Variants in POLR1B observed in about 807,000 individuals in gnomAD.
The protein encoded by POLR1B is RNA polymerase I subunit B, also known as DNA-directed RNA polymerase I subunit RPA2.
POLR1B carries 30 observed loss-of-function variants against 105.8 expected under a neutral mutation model. The observed-to-expected ratio is 0.28, with a 90% CI of 0.21 to 0.38. The LOEUF is 0.38. Among genes scored for constraint, POLR1B ranks in the 10% least tolerant of loss-of-function variants. The probability of loss-of-function intolerance (pLI) is 1.00; values close to 1 mark genes in which losing one functional copy is unlikely to be tolerated. For missense variants in POLR1B, 976 were observed against 1,435.8 expected, an observed-to-expected ratio of 0.68 and a Z score of 5.17; for synonymous variants, 485 against 505.1, an observed-to-expected ratio of 0.96 and a Z score of 0.53.
intron 7 of POLR1B, among the ~76,000 whole-genome samples, chr2:112,554,256 C>G (rs1434379733): frequency 2.0e-5 from 3 of 151,920 alleles, no homozygotes; most frequent in African/African-American, 7.2e-5. Flanking sequence ...CCTCAGCCTC[C>G]CGGGTATCTA....
intron 9 of POLR1B, among the ~76,000 whole-genome samples, chr2:112,561,353 A>T (rs1462295089): frequency 6.6e-6 from 1 of 152,182 alleles, no homozygotes; most frequent in Non-Finnish European, 1.5e-5. Context: ...CTAACTTTCG[A>T]TAGAGATGTT....
At chr2:112,545,247 G>A (rs1682975489) in intron 1 of POLR1B, among the ~76,000 whole-genome samples, 1 of 152,124 alleles carries the variant, frequency 6.6e-6, no homozygotes, top group East Asian at 1.9e-4. Flanking sequence ...TCAGGCATGC[G>A]TTAGGGACTC....
intron 9 of POLR1B, 97 bp from the exon 10 acceptor site, chr2:112,564,269 C>A: frequency 7.1e-7 from 1 of 1,411,264 alleles, no homozygotes; most frequent in Non-Finnish European, 9.7e-7. Context: ...AATTTGATAT[C>A]TGAACTGATA....
Position 112,557,737 on chromosome 2 carries a change from A to G in POLR1B, c.1159-173A>G, listed in dbSNP as rs371444339. Reference sequence around the variant, plus strand: ...AACTACAGGCACGCCCCACCCCCTCACCCCACCCCCTCTGGCTAATTTTTT... The same window carrying G: ...AACTACAGGCACGCCCCACCCCCTCGCCCCACCCCCTCTGGCTAATTTTTT... On this transcript the variant is annotated intron_variant, in intron 7 of 14. Transcript: ENST00000263331. Among the ~76,000 whole-genome samples, 501 of 87,016 alleles carry G rather than the reference A, an allele frequency of 5.8e-3. 1 individual carries two copies. Among genetic ancestry groups the G allele is most frequent in the African/African-American group, 0.021 (480 of 22,370 alleles). The allele number at this position is 87,016 out of a possible 152,430, so 57.1% of individuals were successfully genotyped here.
At chr2:112,559,093 A>G (rs1683823855) in intron 8 of POLR1B, among the ~76,000 whole-genome samples, 200 bp from the exon 9 acceptor site, 1 of 152,110 alleles carries the variant, frequency 6.6e-6, no homozygotes, top group Non-Finnish European at 1.5e-5. Flanking sequence ...AGTTGGGGCT[A>G]ATACAGTTTG....
intron 9 of POLR1B, among the ~76,000 whole-genome samples, chr2:112,560,753 C>T (rs1468490807): frequency 3.3e-5 from 5 of 152,100 alleles, no homozygotes; most frequent in Admixed American, 2.6e-4. Context: ...CTTAAAAGTA[C>T]TTCTCCCAAT....
chr2:112,567,520 C>T (rs571042527), intron 10 of POLR1B, among the ~76,000 whole-genome samples: 148 of 152,064 alleles, frequency 9.7e-4, no homozygotes, highest in African/African-American at 3.5e-3. Flanking sequence ...GCTGGGACTA[C>T]AGGCACGTAC....
intron 4 of POLR1B, among the ~76,000 whole-genome samples, chr2:112,549,634 GTCTT>G (rs1201319020): frequency 3.3e-5 from 5 of 151,702 alleles, no homozygotes; most frequent in African/African-American, 1.2e-4. Context: ...ACCGTGTCTG[GTCTT>G]TCTTTTGTTT....
At chr2:112,544,118 A>G (rs1682914559) in intron 1 of POLR1B, among the ~76,000 whole-genome samples, 1 of 151,932 alleles carries the variant, frequency 6.6e-6, no homozygotes. Context: ...GAGAAATTTT[A>G]GAAAAGCACT....
intron 1 of POLR1B, among the ~76,000 whole-genome samples, chr2:112,544,850 G>A (rs556401338): frequency 6.6e-6 from 1 of 152,272 alleles, no homozygotes; most frequent in South Asian, 2.1e-4. Flanking sequence ...TTATGTGTCT[G>A]TCTTTTCAAA....
At chr2:112,563,061 C>CT (rs1199976599) in intron 9 of POLR1B, among the ~76,000 whole-genome samples, 34 of 117,410 alleles carry the variant, frequency 2.9e-4, no homozygotes, top group East Asian at 5.1e-4. Flanking sequence ...TTTTTTTTTT[C>CT]TTTTTTTTTT....
rs376777644 is a variant in POLR1B at position 112,568,085 on chromosome 2, C to T, written c.1865C>T (p.Pro622Leu). The change falls in exon 11 of 15, where the codon CCT (proline) becomes CTT (leucine). Residue 622 changes from proline to leucine, a missense_variant. By Grantham distance (98) the Pro-to-Leu change is moderately conservative. Coordinates refer to ENST00000263331, the MANE Select transcript of POLR1B (RefSeq NM_019014.6). ...ACCACTCCTTGTAGACTGGTACGGC[C>T]TGTGCAGAACTTAGCATTGGGCAAA... ...LFTTPCRLVR[P>L]VQNLALGKEE... 1.2e-6 allele frequency: 2 copies of T among 1,614,124 alleles called. No homozygotes were observed. Among genetic ancestry groups the T allele is most frequent in the East Asian group, 4.5e-5 (2 of 44,888 alleles).
chr2:112,552,042 T>C (rs1270684104), intron 6 of POLR1B, 44 bp downstream of exon 6: 3 of 1,502,430 alleles, frequency 2.0e-6, no homozygotes, highest in Non-Finnish European at 2.8e-6. Context: ...GGCGGAGGGC[T>C]GTCAGTGGTT....
chr2:112,557,166 G>T (rs887181661), intron 7 of POLR1B, among the ~76,000 whole-genome samples: 1 of 152,146 alleles, frequency 6.6e-6, no homozygotes, highest in Non-Finnish European at 1.5e-5. Context: ...CATACCTATG[G>T]TCCCACCTAC....
intron 8 of POLR1B, 84 bp from the exon 9 acceptor site, chr2:112,559,209 C>T: frequency 6.8e-7 from 1 of 1,466,294 alleles, no homozygotes; most frequent in Non-Finnish European, 9.4e-7. Flanking sequence ...GTAGAGTGCT[C>T]TGAGGTTTTG....
intron 9 of POLR1B, 135 bp downstream of exon 9, chr2:112,559,709 C>T (rs1683865665): frequency 3.0e-6 from 3 of 1,012,092 alleles, no homozygotes; most frequent in East Asian, 2.5e-5. Context: ...TGGCTCACTG[C>T]AAGCTCTGCC....
rs1252162782 is a variant in POLR1B at position 112,557,770 on chromosome 2, AG to A, written c.1159-137del. The stretch of plus-strand genomic sequence containing the variant: ...CCCTCTGGCTAATTTTTTTGTAGAC[AG>A]GGTTTTGTTTCACCATTTTGCCCAG... On this transcript the variant is annotated intron_variant, in intron 7 of 14. Coordinates refer to ENST00000263331, the MANE Select transcript of POLR1B (RefSeq NM_019014.6). 20 of 272,880 alleles carry A rather than the reference AG, an allele frequency of 7.3e-5. No individual in the cohort carries two copies. In the South Asian group the frequency reaches 3.4e-3, roughly 46 times the overall value. The allele number at this position is 272,880 out of a possible 1,614,324, so 16.9% of individuals were successfully genotyped here.
In POLR1B at chr2:112,552,868, C is replaced by T. The variant is rs149012878; in HGVS notation, c.1158+52C>T. 8.8e-5 allele frequency: 124 copies of T among 1,401,950 alleles called. No individual in the cohort carries two copies. In the Middle Eastern group the frequency reaches 1.3e-3, roughly 15 times the overall value. 86.8% of individuals were successfully genotyped at this position (1,401,950 alleles called of 1,614,324 possible). On this transcript the variant is annotated intron_variant, in intron 7 of 14. Coordinates refer to ENST00000263331, the MANE Select transcript of POLR1B (RefSeq NM_019014.6). Reference sequence around the variant, plus strand: ...GCCAGTGGTACCACTTGTGGAATGGCGTGACTTTGTCCAGCAGCACTGTTT... The same window carrying T: ...GCCAGTGGTACCACTTGTGGAATGGTGTGACTTTGTCCAGCAGCACTGTTT...
rs140269430 is a variant in POLR1B at position 112,564,420 on chromosome 2, T to C, written c.1667T>C (p.Val556Ala). ...PHRSYSECYP[V>A]LLDGVMVGWV... ...CGATCATACAGTGAGTGCTACCCTG[T>C]CCTGCTGGACGGTGTCATGGTTGGC... The change falls in exon 10 of 15, where the codon GTC becomes GCC. Residue 556 changes from valine (V) to alanine (A), a missense_variant. Coordinates refer to ENST00000263331, the MANE Select transcript of POLR1B (RefSeq NM_019014.6). 156 of 1,614,146 alleles carry C rather than the reference T, an allele frequency of 9.7e-5. No homozygotes were observed. The highest frequency in any genetic ancestry group is 1.3e-4 in the Non-Finnish European group (152 of 1,180,052).
Sources: allele counts gnomAD v4.1 joint callset (sites outside exome capture counted in the v4.1 genomes callset), GRCh38; gene constraint gnomAD v4.1.1; transcripts MANE v1.5; gene names NCBI Gene and HGNC (gene_info 2026-07-23, HGNC 2026-07-21).